SEMA3A: variants seen among roughly 807,000 people sequenced by gnomAD.
SEMA3A encodes the protein semaphorin 3A, also known as semaphorin-3A.
Under a neutral mutation model 97.9 loss-of-function variants are expected in SEMA3A, and 29 were observed. The ratio of observed to expected loss-of-function variants is 0.30; its 90% CI spans 0.22 to 0.40. The LOEUF (loss-of-function observed/expected upper bound fraction) is 0.40. Ranked by LOEUF, SEMA3A falls within the 10% of genes least tolerant of loss-of-function variation. The probability of loss-of-function intolerance (pLI) is 1.00; values close to 1 mark genes in which losing one functional copy is unlikely to be tolerated. For missense variants in SEMA3A, 763 were observed against 951.3 expected (o/e 0.80, Z 2.60); for synonymous variants, 321 against 323.7 (o/e 0.99, Z 0.09).
At chr7:84,181,929 A>G (rs1247467281) in intron 1 of SEMA3A, among the ~76,000 whole-genome samples, 1 of 152,160 alleles carries the variant, frequency 6.6e-6, no homozygotes, top group African/African-American at 2.4e-5. Context: ...AGCTTGGTGC[A>G]TAAGTGTTTT....
intron 2 of SEMA3A, among the ~76,000 whole-genome samples, chr7:84,334,054 A>T (rs940135415): frequency 1.3e-5 from 2 of 152,148 alleles, no homozygotes; most frequent in African/African-American, 4.8e-5. Flanking sequence ...AATACTAAAA[A>T]CAATAGTTTT....
chr7:84,419,629 G>T (rs1804531206), intron 1 of SEMA3A, among the ~76,000 whole-genome samples: 1 of 152,022 alleles, frequency 6.6e-6, no homozygotes, highest in African/African-American at 2.4e-5. Context: ...ACATTCAAAA[G>T]TGCCTATGTA....
intron 15 of SEMA3A, among the ~76,000 whole-genome samples, chr7:83,966,860 C>T (rs977938858): frequency 4.0e-5 from 6 of 151,818 alleles, no homozygotes; most frequent in Non-Finnish European, 7.4e-5. Context: ...TACAGGCATG[C>T]GCCACCACGC....
intron 15 of SEMA3A, 46 bp downstream of exon 15, chr7:83,977,086 T>C (rs1341493825): frequency 1.7e-6 from 2 of 1,197,494 alleles, no homozygotes; most frequent in Non-Finnish European, 1.2e-6. Flanking sequence ...ATTATTATGA[T>C]TTTAGCCTGG....
intron 1 of SEMA3A, among the ~76,000 whole-genome samples, chr7:84,456,770 G>T (rs908780727): frequency 6.6e-6 from 1 of 151,684 alleles, no homozygotes; most frequent in Non-Finnish European, 1.5e-5. Flanking sequence ...CTACTTCAGT[G>T]CTTTGTAGGG....
intron 3 of SEMA3A, among the ~76,000 whole-genome samples, chr7:84,249,142 T>A (rs2115600855): frequency 6.6e-6 from 1 of 152,346 alleles, no homozygotes; most frequent in Admixed American, 6.5e-5. Context: ...GCCATGTTCC[T>A]GCCTTAGCTA....
At chr7:84,059,714 C>T (rs570534864) in intron 5 of SEMA3A, among the ~76,000 whole-genome samples, 19 of 146,376 alleles carry the variant, frequency 1.3e-4, no homozygotes, top group Admixed American at 7.6e-4. Flanking sequence ...AGAACAGAAT[C>T]ATGACCCAGA....
In SEMA3A at chr7:83,959,990, G is replaced by C. The variant is rs1407331954; in HGVS notation, c.*1381C>G. 1 of 152,012 alleles carries C rather than the reference G, an allele frequency of 6.6e-6. No homozygotes were observed. Among genetic ancestry groups the C allele is most frequent in the Non-Finnish European group, 1.5e-5 (1 of 67,930 alleles). 9.4% of individuals were successfully genotyped at this position (152,012 alleles called of 1,614,324 possible). A position where few individuals can be genotyped will look rare whatever the true frequency, so the allele number is the denominator to read the frequency against. ...TGGGTTGCATCCTGGAAAATACTTTGTAGAAAAGTCCCTCCCATTGATATG... is the reference window on the plus strand; with the variant it reads ...TGGGTTGCATCCTGGAAAATACTTTCTAGAAAAGTCCCTCCCATTGATATG... On this transcript the variant is annotated 3_prime_UTR_variant, in exon 17 of 17. Transcript: ENST00000265362.
chr7:84,111,727 CAT>C (rs1319007098), intron 3 of SEMA3A, among the ~76,000 whole-genome samples: 1 of 152,072 alleles, frequency 6.6e-6, no homozygotes, highest in East Asian at 1.9e-4. Flanking sequence ...CTAAAATAAA[CAT>C]AATTTCTTCC....
intron 3 of SEMA3A, among the ~76,000 whole-genome samples, chr7:84,223,438 G>T (rs765084104): frequency 1.3e-5 from 2 of 151,762 alleles, no homozygotes. Flanking sequence ...CACTGACAAA[G>T]TTCAAATCTT....
At chr7:84,491,218 G>A (rs1806716916) in intron 1 of SEMA3A, among the ~76,000 whole-genome samples, 1 of 152,042 alleles carries the variant, frequency 6.6e-6, no homozygotes, top group East Asian at 1.9e-4. Context: ...ATTGGCCGAT[G>A]GGGAATTATT....
rs201713326 is a variant in SEMA3A at position 84,169,245 on chromosome 7, GT to G, written c.112+25229del. 1.2e-4 allele frequency among the ~76,000 whole-genome samples: 18 copies of G among 151,238 alleles called. No homozygotes were observed. In the South Asian group the frequency reaches 2.1e-3, roughly 17 times the overall value. On this transcript the variant is annotated intron_variant, in intron 1 of 16. Coordinates refer to ENST00000265362, the MANE Select transcript of SEMA3A (RefSeq NM_006080.3). ...ATGAAAATAATGAATATGATCAAAT[GT>G]TTTAAAAACCTAAAATGAATGGGCC...
At chr7:84,323,641 C>A (rs1455680751) in intron 2 of SEMA3A, among the ~76,000 whole-genome samples, 1 of 151,816 alleles carries the variant, frequency 6.6e-6, no homozygotes, top group East Asian at 1.9e-4. Flanking sequence ...TAAATATGAC[C>A]CCTTCTTACA....
intron 1 of SEMA3A, among the ~76,000 whole-genome samples, chr7:84,452,816 A>G (rs1248582521): frequency 6.6e-6 from 1 of 152,098 alleles, no homozygotes; most frequent in Non-Finnish European, 1.5e-5. Flanking sequence ...CATTGACCAG[A>G]GGTGTCATTT....
intron 1 of SEMA3A, among the ~76,000 whole-genome samples, chr7:84,442,619 T>C (rs1025918777): frequency 1.3e-5 from 2 of 151,084 alleles, no homozygotes; most frequent in African/African-American, 4.9e-5. Flanking sequence ...TCCTTACCGG[T>C]AATTACCTTA....
chr7:84,339,236 G>A (rs368534874), intron 2 of SEMA3A, among the ~76,000 whole-genome samples: 1 of 152,098 alleles, frequency 6.6e-6, no homozygotes, highest in East Asian at 1.9e-4. Flanking sequence ...CCTAACAAAA[G>A]TAGATGAATT....
chr7:84,305,268 T>C (rs1447469834), intron 3 of SEMA3A, among the ~76,000 whole-genome samples: 2 of 150,252 alleles, frequency 1.3e-5, no homozygotes, highest in East Asian at 3.9e-4. Context: ...AAATAGTAGA[T>C]AAAATGAAGG....
At chr7:84,039,104 G>A (rs78833368) in intron 6 of SEMA3A, among the ~76,000 whole-genome samples, 20 of 152,120 alleles carry the variant, frequency 1.3e-4, no homozygotes, top group African/African-American at 4.8e-4. Flanking sequence ...TTTGCATAGA[G>A]GTGTATATAG....
intron 2 of SEMA3A, among the ~76,000 whole-genome samples, chr7:84,357,842 A>G (rs2116050574): frequency 6.6e-6 from 1 of 151,962 alleles, no homozygotes; most frequent in South Asian, 2.1e-4. Flanking sequence ...CTGGTATGAG[A>G]TGGTATCTCA....
Sources: gnomAD v4.1 joint callset for allele counts (sites outside exome capture counted in the v4.1 genomes callset) on GRCh38, gnomAD v4.1.1 for gene constraint, MANE v1.5 for transcripts, NCBI Gene and HGNC (gene_info 2026-07-23, HGNC 2026-07-21) for gene names.